Variants in MED12L observed in about 807,000 individuals in gnomAD.
The protein encoded by MED12L is mediator complex subunit 12L.
Under a neutral mutation model 281.3 loss-of-function variants are expected in MED12L, and 60 were observed. The observed-to-expected ratio is 0.21, with a 90% CI of 0.17 to 0.26. MED12L has a LOEUF of 0.26. Ranked by LOEUF, MED12L falls within the 10% of genes least tolerant of loss-of-function variation. MED12L has a pLI of 1.00. For missense variants in MED12L, 2,146 were observed against 2,680.9 expected, an observed-to-expected ratio of 0.80 and a Z score of 4.41; for synonymous variants, 974 against 987.2, an observed-to-expected ratio of 0.99 and a Z score of 0.25.
chr3:151,214,522 G>A (rs1448203364), intron 16 of MED12L, among the ~76,000 whole-genome samples: 1 of 151,592 alleles, frequency 6.6e-6, no homozygotes, highest in Admixed American at 6.6e-5. Context: ...TCTTTCTTTT[G>A]GTCTTCCTTT....
intron 16 of MED12L, chr3:151,213,775 C>G: frequency 6.2e-7 from 1 of 1,614,134 alleles, no homozygotes; most frequent in Non-Finnish European, 8.5e-7. Flanking sequence ...GTGCCACTTC[C>G]GTCCCAGTTC....
At chr3:151,432,659 C>T in intron 44 of MED12L, 93 bp from the exon 45 acceptor site, 1 of 892,734 alleles carries the variant, frequency 1.1e-6, no homozygotes, top group Non-Finnish European at 1.8e-6. Context: ...CCTGTACCTG[C>T]AGCTGGTACT....
intron 16 of MED12L, among the ~76,000 whole-genome samples, chr3:151,330,236 T>C (rs1476382075): frequency 6.6e-6 from 1 of 152,180 alleles, no homozygotes; most frequent in East Asian, 1.9e-4. Context: ...CACTAAAAAA[T>C]GTTAGCCACT....
chr3:151,201,221 A>ACTCT (rs199616990), intron 16 of MED12L, among the ~76,000 whole-genome samples: 2,512 of 149,072 alleles, frequency 0.017, 75 homozygotes, highest in African/African-American at 0.06. Context: ...CCACGTGCAC[A>ACTCT]CACTCTCTCT....
intron 16 of MED12L, among the ~76,000 whole-genome samples, chr3:151,347,973 T>C (rs1261892027): frequency 6.6e-6 from 1 of 152,192 alleles, no homozygotes; most frequent in Admixed American, 6.5e-5. Context: ...TCCTGTGCGA[T>C]GTGAGGAGCA....
intron 2 of MED12L, among the ~76,000 whole-genome samples, chr3:151,100,752 C>T (rs182139229): frequency 7.1e-4 from 108 of 151,526 alleles, no homozygotes; most frequent in African/African-American, 2.4e-3. Context: ...ACACTATTTA[C>T]ATTTCTACTA....
chr3:151,214,238 C>G, intron 16 of MED12L: 1 of 1,613,930 alleles, frequency 6.2e-7, no homozygotes, highest in Non-Finnish European at 8.5e-7. Flanking sequence ...CAGTACAGCA[C>G]AGGAATGATC....
chr3:151,369,156 A>G (rs904566643), intron 25 of MED12L, among the ~76,000 whole-genome samples: 3 of 152,230 alleles, frequency 2.0e-5, no homozygotes, highest in African/African-American at 4.8e-5. Flanking sequence ...ATAGATAGGC[A>G]TGTGTCTGTG....
chr3:151,280,046 A>G (rs913543040), intron 16 of MED12L, among the ~76,000 whole-genome samples: 1 of 151,674 alleles, frequency 6.6e-6, no homozygotes, highest in African/African-American at 2.4e-5. Flanking sequence ...GACTGGGGAG[A>G]ACATGATAAT....
chr3:151,193,695 C>T (rs1056864985), intron 16 of MED12L, 29 bp downstream of exon 16: 4 of 1,545,242 alleles, frequency 2.6e-6, no homozygotes, highest in Non-Finnish European at 3.6e-6. Context: ...TAATCTATAC[C>T]CTGATTATTT....
rs374641982 is a variant in MED12L, at chr3:151,418,177, C to G, written c.6408+1755C>G. ...TTTATTATTCTCTCTTTCACTCCCC[C>G]CACCTACTGCCATTTAAACATACAT... On this transcript the variant is annotated intron_variant, in intron 43 of 44. Transcript: ENST00000687756. 2.4e-4 allele frequency among the ~76,000 whole-genome samples: 37 copies of G among 152,320 alleles called. No individual in the cohort carries two copies. The South Asian group carries it at 3.1e-3, about 13-fold the overall frequency.
At chr3:151,290,652 A>G (rs1336588367) in intron 16 of MED12L, among the ~76,000 whole-genome samples, 1 of 145,872 alleles carries the variant, frequency 6.9e-6, no homozygotes, top group Non-Finnish European at 1.5e-5. Flanking sequence ...TTTTTTTTAC[A>G]TCTGTAACAA....
chr3:151,254,011 T>TG (rs397964674), intron 16 of MED12L, among the ~76,000 whole-genome samples: 1 of 151,264 alleles, frequency 6.6e-6, no homozygotes, highest in East Asian at 1.9e-4. Context: ...TTTTTTTTTT[T>TG]GTTAATTTAA....
At chr3:151,164,581 A>G (rs992679507) in intron 9 of MED12L, among the ~76,000 whole-genome samples, 2 of 152,224 alleles carry the variant, frequency 1.3e-5, no homozygotes, top group Non-Finnish European at 2.9e-5. Flanking sequence ...TCGCAATAGC[A>G]AAGACTTGGA....
chr3:151,270,312 G>T (rs1396529355), intron 16 of MED12L, among the ~76,000 whole-genome samples: 1 of 150,242 alleles, frequency 6.7e-6, no homozygotes, highest in Admixed American at 6.7e-5. Context: ...CAACTTATTT[G>T]GGGGGAAAAT....
chr3:151,245,360 A>G (rs1735183559), intron 16 of MED12L, among the ~76,000 whole-genome samples: 1 of 136,604 alleles, frequency 7.3e-6, no homozygotes, highest in Non-Finnish European at 1.6e-5. Flanking sequence ...CATTGATGCA[A>G]AAATCCTCAA....
chr3:151,150,036 A>G (rs149061240), intron 5 of MED12L, among the ~76,000 whole-genome samples: 22 of 152,308 alleles, frequency 1.4e-4, no homozygotes, highest in Admixed American at 9.8e-4. Flanking sequence ...ACAAACTCCT[A>G]TGGAAGTCAA....
chr3:151,398,155 C>T (rs74603975), intron 39 of MED12L, among the ~76,000 whole-genome samples: 47 of 152,318 alleles, frequency 3.1e-4, no homozygotes, highest in Non-Finnish European at 5.1e-4. Context: ...TAGCCTTAAT[C>T]CTCAGCATTC....
intron 21 of MED12L, among the ~76,000 whole-genome samples, chr3:151,364,146 G>C (rs572134392): frequency 1.3e-4 from 20 of 152,226 alleles, no homozygotes; most frequent in African/African-American, 4.8e-4. Context: ...ACCTACAGAA[G>C]GTAAGCACAA....
Sources: gnomAD v4.1 joint callset for allele counts (sites outside exome capture counted in the v4.1 genomes callset) on GRCh38, gnomAD v4.1.1 for gene constraint, MANE v1.5 for transcripts, NCBI Gene and HGNC (gene_info 2026-07-23, HGNC 2026-07-21) for gene names.